SHC1: variants seen among roughly 807,000 people sequenced by gnomAD.
The protein encoded by SHC1 is SHC adaptor protein 1.
In SHC1, 30 loss-of-function variants were observed where a neutral mutation model predicts 55.9. That is an observed-to-expected ratio of 0.54 (90% CI 0.40 to 0.73). The LOEUF is 0.73. Among genes scored for constraint, SHC1 ranks in the 30% least tolerant of loss-of-function variants. The pLI, the probability that SHC1 is intolerant of heterozygous loss-of-function variation, is 0.00. For missense variants in SHC1, 675 were observed against 777.1 expected (o/e 0.87, Z 1.56); for synonymous variants, 309 against 306.1 (o/e 1.01, Z -0.10).
chr1:154,968,684 G>A, intron 3 of SHC1, 70 bp from the exon 4 acceptor site: 1 of 1,610,540 alleles, frequency 6.2e-7, no homozygotes. Context: ...TTGCCTCCTG[G>A]CCCTCTCCCC....
upstream of SHC1, among the ~76,000 whole-genome samples, chr1:154,971,081 C>T (rs1423687504): frequency 1.3e-5 from 2 of 152,064 alleles, no homozygotes; most frequent in African/African-American, 4.8e-5. Context: ...GGCAGGAGTA[C>T]AGGGGAATGA....
At chr1:154,974,085 C>A (rs1019579734), upstream of SHC1, among the ~76,000 whole-genome samples, 1 of 151,966 alleles carries the variant, frequency 6.6e-6, no homozygotes, top group African/African-American at 2.4e-5. Flanking sequence ...AAATAAAAAT[C>A]AAGTCGGGGT....
At chr1:154,974,027 G>C (rs997658954), upstream of SHC1, among the ~76,000 whole-genome samples, 1 of 152,058 alleles carries the variant, frequency 6.6e-6, no homozygotes, top group Non-Finnish European at 1.5e-5. Context: ...GTGTCGGGGG[G>C]TGGGGACTTC....
chr1:154,963,670 C>T lies in SHC1; in HGVS notation c.*133G>A. ...CCCTCTCACTCAGCTGGATATGAAACCCAGAGTCCATGCTACTCCCAGCTC... is the reference window on the plus strand; with the variant it reads ...CCCTCTCACTCAGCTGGATATGAAATCCAGAGTCCATGCTACTCCCAGCTC... On this transcript the variant is annotated 3_prime_UTR_variant, in exon 12 of 12. Transcript: ENST00000448116. The T allele has an allele frequency of 2.3e-6, 2 of 875,110 alleles. No individual in the cohort carries two copies. The highest frequency in any genetic ancestry group is 3.4e-5 in the South Asian group (2 of 59,006). 54.2% of individuals were successfully genotyped at this position (875,110 alleles called of 1,614,324 possible).
intron 10 of SHC1, 51 bp from the exon 11 acceptor site, chr1:154,965,832 C>G (rs773510465): frequency 2.8e-5 from 44 of 1,581,200 alleles, no homozygotes; most frequent in African/African-American, 2.7e-5. Context: ...AACACACACC[C>G]AAGACCCAGA....
Position 154,963,738 on chromosome 1 carries a change from CGA to C in SHC1, c.*63_*64del. 1 of 1,578,042 alleles carries C rather than the reference CGA, an allele frequency of 6.3e-7. No homozygotes were observed. The highest frequency in any genetic ancestry group is 1.7e-5 in the Admixed American group (1 of 58,904). ...CACAGAACACTCCCAAACGAGGTCC[CGA>C]GAGTTAGGGAATAGGGTGGAAAGGA... On this transcript the variant is annotated 3_prime_UTR_variant, in exon 12 of 12. Transcript: ENST00000448116.
rs1161271142 is a variant in SHC1 at position 154,962,812 on chromosome 1, A to G, written c.*991T>C. On this transcript the variant is annotated 3_prime_UTR_variant, in exon 12 of 12. Coordinates refer to ENST00000448116, the MANE Select transcript of SHC1 (RefSeq NM_001130040.2). Reference sequence around the variant, plus strand: ...AAGTAAGTCTACAGCCCTAAAATATATGCATATAAAACTTTAAAAGAATGC... The same window carrying G: ...AAGTAAGTCTACAGCCCTAAAATATGTGCATATAAAACTTTAAAAGAATGC... 6.5e-6 allele frequency: 1 copy of G among 152,802 alleles called. No individual in the cohort carries two copies. Among genetic ancestry groups the G allele is most frequent in the Non-Finnish European group, 1.5e-5 (1 of 68,038 alleles). 9.5% of individuals were successfully genotyped at this position (152,802 alleles called of 1,614,324 possible).
rs1244331464 is a variant in SHC1 at position 154,963,384 on chromosome 1, CAT to C, written c.*417_*418del. On this transcript the variant is annotated 3_prime_UTR_variant, in exon 12 of 12. Coordinates refer to ENST00000448116, the MANE Select transcript of SHC1 (RefSeq NM_001130040.2). ...GATGGTCAAAGGCACAAAGTTTAAA[CAT>C]GGGGGGGGCGGGTGTTGAGAGGGGT... The C allele has an allele frequency of 1.2e-5, 2 of 166,028 alleles. No homozygotes were observed. Among genetic ancestry groups the C allele is most frequent in the East Asian group, 3.2e-4 (2 of 6,206 alleles). 10.3% of individuals were successfully genotyped at this position (166,028 alleles called of 1,614,324 possible). A position where few individuals can be genotyped will look rare whatever the true frequency, so the allele number is the denominator to read the frequency against.
intron 10 of SHC1, 72 bp from the exon 11 acceptor site, chr1:154,965,853 G>C (rs1379419463): frequency 6.4e-7 from 1 of 1,568,992 alleles, no homozygotes; most frequent in Non-Finnish European, 8.7e-7. Context: ...CTTCAGGGAA[G>C]GGAAGTCAGG....
Position 154,963,736 on chromosome 1 carries a change from C to A in SHC1, c.*67G>T. The A allele has an allele frequency of 6.4e-7, 1 of 1,569,382 alleles. No individual in the cohort carries two copies. Among genetic ancestry groups the A allele is most frequent in the South Asian group, 1.1e-5 (1 of 88,360 alleles). ...CCCACAGAACACTCCCAAACGAGGT[C>A]CCGAGAGTTAGGGAATAGGGTGGAA... On this transcript the variant is annotated 3_prime_UTR_variant, in exon 12 of 12. Coordinates refer to ENST00000448116, the MANE Select transcript of SHC1 (RefSeq NM_001130040.2).
At chr1:154,973,538 TAGAA>T (rs1324577068), upstream of SHC1, 7 of 121,338 alleles carry the variant, frequency 5.8e-5, no homozygotes, top group African/African-American at 1.3e-4. Flanking sequence ...AAAAAAAAGA[TAGAA>T]AGGAAAACGG....
chr1:154,968,910 G>T, intron 2 of SHC1, 76 bp from the exon 3 acceptor site: 1 of 1,383,292 alleles, frequency 7.2e-7, no homozygotes, highest in Non-Finnish European at 1.0e-6. Context: ...ACAGGGCTGG[G>T]GGAGGGGAAA....
chr1:154,966,127 C>G (rs114870819), intron 9 of SHC1, 35 bp downstream of exon 9: 3 of 1,613,948 alleles, frequency 1.9e-6, no homozygotes, highest in Non-Finnish European at 2.5e-6. Flanking sequence ...GCCTCCAACA[C>G]TCCCCAGCTC....
rs746202593 is a variant in SHC1, at chr1:154,964,079, T to C, written c.1627-148A>G. On this transcript the variant is annotated intron_variant, in intron 11 of 11. Transcript: ENST00000448116. ...GAGTGTGGCCTGTCAATCCTGATCA[T>C]TGAGGCTTCTCTAGAAAGAGACAGT... The C allele has an allele frequency of 7.2e-6, 6 of 834,750 alleles. No homozygotes were observed. In the Admixed American group the frequency reaches 1.0e-4, roughly 14 times the overall value. The allele number at this position is 834,750 out of a possible 1,614,324, so 51.7% of individuals were successfully genotyped here.
chr1:154,965,878 T>A (rs1655897155), intron 10 of SHC1, 68 bp downstream of exon 10: 1 of 1,577,786 alleles, frequency 6.3e-7, no homozygotes, highest in African/African-American at 1.4e-5. Context: ...AAAGAGCAGA[T>A]AGGCAGGAGA....
At chr1:154,971,049 G>A (rs1656701144), upstream of SHC1, among the ~76,000 whole-genome samples, 1 of 152,142 alleles carries the variant, frequency 6.6e-6, no homozygotes, top group Admixed American at 6.5e-5. Context: ...GACACACGCA[G>A]GCCAAAGGGG....
chr1:154,968,156 T>TA, intron 5 of SHC1, 48 bp downstream of exon 5: 1 of 1,599,106 alleles, frequency 6.3e-7, no homozygotes, highest in Non-Finnish European at 8.6e-7. Flanking sequence ...TCCCAATCCC[T>TA]AGCCCCTTGC....
In SHC1 at chr1:154,965,599, T is replaced by A. The variant is rs1390545126; in HGVS notation, c.1570A>T (p.Thr524Ser). 1 of 1,614,154 alleles carries A rather than the reference T, an allele frequency of 6.2e-7. No individual in the cohort carries two copies. The highest frequency in any genetic ancestry group is 1.7e-5 in the Admixed American group (1 of 60,012). Residue 524 changes from threonine (T) to serine (S), a missense_variant, in exon 11 of 12, where the codon ACT (threonine) becomes TCT (serine). By Grantham distance (58) the Thr-to-Ser change is moderately conservative. This residue lies in a region of SHC1 where 360 missense variants were observed against 371.1 expected (regional missense o/e 0.97). Transcript: ENST00000448116. ...TTAGGCTGCCCACTCTGCAAGCCAG[T>A]GAGCACATACTGGCCAGGTGTGGTC... ...STTTPGQYVLTGLQSGQPKHL... is the reference protein window; with the variant it reads ...STTTPGQYVLSGLQSGQPKHL...
chr1:154,966,178 A>C lies in SHC1; in HGVS notation c.1236T>G (p.Pro412=), dbSNP rs757571402. The C allele has an allele frequency of 2.7e-5, 44 of 1,613,976 alleles. No homozygotes were observed. The highest frequency in any genetic ancestry group is 4.2e-6 in the Non-Finnish European group (5 of 1,179,994). ...GDPEVRKQMP[P]PPPCPAGREL... Reference sequence around the variant, plus strand: ...CCTTCATACCTGGACAGGGTGGTGGAGGTGGCATCTGTTTGCGGACTTCTG... The same window carrying C: ...CCTTCATACCTGGACAGGGTGGTGGCGGTGGCATCTGTTTGCGGACTTCTG... The change falls in exon 9 of 12, where the codon CCT becomes CCG. Residue 412 remains proline (P), a synonymous_variant. Transcript: ENST00000448116.
Sources: gnomAD v4.1 joint callset for allele counts (sites outside exome capture counted in the v4.1 genomes callset) on GRCh38, gnomAD v4.1.1 for gene constraint, gnomAD v4.1.1 regional missense constraint, MANE v1.5 for transcripts, NCBI Gene and HGNC (gene_info 2026-07-23, HGNC 2026-07-21) for gene names.